Variants in MAP4K1 observed in about 807,000 individuals in gnomAD.
MAP4K1 encodes MAPK/ERK kinase kinase kinase 1.
Under a neutral mutation model 122.8 loss-of-function variants are expected in MAP4K1, and 35 were observed. The ratio of observed to expected loss-of-function variants is 0.29; its 90% CI spans 0.22 to 0.38. The LOEUF (loss-of-function observed/expected upper bound fraction) is 0.38, where lower values mean the gene tolerates loss of function less well. Ranked by LOEUF, MAP4K1 falls within the 10% of genes least tolerant of loss-of-function variation. MAP4K1 has a pLI of 1.00. For missense variants in MAP4K1, 791 were observed against 1,072.6 expected, an observed-to-expected ratio of 0.74 and a Z score of 3.67; for synonymous variants, 412 against 421.3, an observed-to-expected ratio of 0.98 and a Z score of 0.27.
rs1255175071 is a variant in MAP4K1, at chr19:38,613,279, C to T, written c.534-537G>A. 4.0e-5 allele frequency among the ~76,000 whole-genome samples: 6 copies of T among 150,472 alleles called. No individual in the cohort carries two copies. The East Asian group carries it at 1.2e-3, about 29-fold the overall frequency. On this transcript the variant is annotated intron_variant, in intron 8 of 30. Coordinates refer to ENST00000396857, the MANE Select transcript of MAP4K1 (RefSeq NM_001042600.3). The stretch of plus-strand genomic sequence containing the variant: ...CTGAGACCATGCCACTGCACTCCAG[C>T]CTGGGCAACAGAGCAAAACTCCGTC...
chr19:38,605,794 G>A, intron 17 of MAP4K1, 64 bp from the exon 18 acceptor site: 1 of 1,490,308 alleles, frequency 6.7e-7, no homozygotes, highest in Non-Finnish European at 9.1e-7. Context: ...GCACCCTTTT[G>A]CAACTCAAGT....
At chr19:38,602,521 C>T (rs564971222) in intron 19 of MAP4K1, among the ~76,000 whole-genome samples, 10 of 147,536 alleles carry the variant, frequency 6.8e-5, no homozygotes, top group Admixed American at 4.0e-4. Flanking sequence ...TACATATATA[C>T]GCATATACAT....
rs568566913 is a variant in MAP4K1, at chr19:38,597,789, T to C, written c.1670-195A>G. 3.7e-4 allele frequency among the ~76,000 whole-genome samples: 56 copies of C among 152,290 alleles called. No individual in the cohort carries two copies. The highest frequency in any genetic ancestry group is 1.3e-3 in the African/African-American group (54 of 41,560). On this transcript the variant is annotated intron_variant, in intron 22 of 30. Coordinates refer to ENST00000396857, the MANE Select transcript of MAP4K1 (RefSeq NM_001042600.3). The surrounding 1 kb of genome is among the most constrained non-coding windows in gnomAD (Gnocchi z 4.6). Reference sequence around the variant, plus strand: ...CGTCCATTGTAGGCCAGGCCTGCTGTGCTTGGCTCTGGTGAACAGTGATGA... The same window carrying C: ...CGTCCATTGTAGGCCAGGCCTGCTGCGCTTGGCTCTGGTGAACAGTGATGA...
In MAP4K1 at chr19:38,608,174, G is replaced by A; in HGVS notation, c.1007-4C>T. 1 of 1,508,244 alleles carries A rather than the reference G, an allele frequency of 6.6e-7. No individual in the cohort carries two copies. The allele number at this position is 1,508,244 out of a possible 1,614,324, so 93.4% of individuals were successfully genotyped here. On this transcript the variant is annotated splice_polypyrimidine_tract_variant and splice_region_variant and intron_variant, in intron 13 of 30. Coordinates refer to ENST00000396857, the MANE Select transcript of MAP4K1 (RefSeq NM_001042600.3). ...TTCCTGAACTCCATGTGCCGCCCTA[G>A]GGTGGGTGGGGGAAGATAACCTGCT...
At chr19:38,587,847 T>G in intron 30 of MAP4K1, 30 bp from the exon 31 acceptor site, 1 of 1,527,808 alleles carries the variant, frequency 6.5e-7, no homozygotes, top group Non-Finnish European at 9.1e-7. Flanking sequence ...GTCAGTTCAT[T>G]TATTCATTCA....
chr19:38,605,597 G>A lies in MAP4K1; in HGVS notation c.1334C>T (p.Thr445Ile). 6.4e-7 allele frequency: 1 copy of A among 1,556,130 alleles called. No individual in the cohort carries two copies. The highest frequency in any genetic ancestry group is 8.7e-7 in the Non-Finnish European group (1 of 1,152,674). ...ATGGGCGGTGAGGTGGGGGCTGCTG[G>A]TGGATGGGGGAGGCCCAGGACGGGG... is the stretch of plus-strand genomic sequence containing the variant. ...NSPRPGPPPS[T>I]SSPHLTAHSE... The change falls in exon 18 of 31, where the codon ACC becomes ATC. Residue 445 changes from threonine (T) to isoleucine (I), a missense_variant. Physicochemically the swap from Thr to Ile is moderately conservative, Grantham distance 89. This residue lies in a region of MAP4K1 where 303 missense variants were observed against 344.8 expected (regional missense o/e 0.88). Coordinates refer to ENST00000396857, the MANE Select transcript of MAP4K1 (RefSeq NM_001042600.3).
At position 38,617,863 on chromosome 19, in the gene MAP4K1, T is replaced by C. The variant is rs1253884503; in HGVS notation, c.33A>G (p.Arg11=). The change falls in exon 1 of 31, where the codon AGA becomes AGG. Residue 11 remains arginine, a synonymous_variant. Coordinates refer to ENST00000396857, the MANE Select transcript of MAP4K1 (RefSeq NM_001042600.3). The surrounding 1 kb of genome is among the most constrained non-coding windows in gnomAD (Gnocchi z 4.1). ...GCAGGTCATAGTGGTCCCGGGGGTC[T>C]CTATTGAAAATGTCAGGGTCCACGA... MDVVDPDIFN[R]DPRDHYDLLQ... The C allele has an allele frequency of 1.9e-6, 3 of 1,614,078 alleles. No homozygotes were observed. The highest frequency in any genetic ancestry group is 2.2e-5 in the South Asian group (2 of 91,076).
In MAP4K1 at chr19:38,599,847, G is replaced by A. The variant is rs1255704174; in HGVS notation, c.1669+78C>T. On this transcript the variant is annotated intron_variant, in intron 22 of 30. Coordinates refer to ENST00000396857, the MANE Select transcript of MAP4K1 (RefSeq NM_001042600.3). ...GCAGTCTAAGTTTTTTTTCAGCTGT[G>A]CCCGTCTACTTCCCAGCCCCCGAAC... 6.6e-6 allele frequency: 9 copies of A among 1,353,792 alleles called. No homozygotes were observed. The East Asian group carries it at 1.8e-4, about 28-fold the overall frequency. 83.9% of individuals were successfully genotyped at this position (1,353,792 alleles called of 1,614,324 possible).
At chr19:38,606,150 C>A in intron 17 of MAP4K1, 23 bp downstream of exon 17, 1 of 1,576,416 alleles carries the variant, frequency 6.3e-7, no homozygotes, top group Non-Finnish European at 8.6e-7. Context: ...CCCCAGCCTC[C>A]CAGCTCTGGC....
At chr19:38,602,653 C>CGT (rs1975120105) in intron 19 of MAP4K1, among the ~76,000 whole-genome samples, 1 of 142,374 alleles carries the variant, frequency 7.0e-6, no homozygotes, top group Non-Finnish European at 1.5e-5. Flanking sequence ...TACATATATA[C>CGT]ATATATACAC....
At chr19:38,602,483 CATATACAT>C (rs549737661) in intron 19 of MAP4K1, among the ~76,000 whole-genome samples, 9,515 of 149,618 alleles carry the variant, frequency 0.064, 393 homozygotes, top group Non-Finnish European at 0.094. Context: ...TATATACACA[CATATACAT>C]ATATACATAT....
In MAP4K1 at chr19:38,617,950, A is replaced by C; in HGVS notation, c.-55T>G. 2 of 1,461,576 alleles carry C rather than the reference A, an allele frequency of 1.4e-6. No homozygotes were observed. The highest frequency in any genetic ancestry group is 2.3e-5 in the South Asian group (2 of 87,906). 90.5% of individuals were successfully genotyped at this position (1,461,576 alleles called of 1,614,324 possible). On this transcript the variant is annotated 5_prime_UTR_variant, in exon 1 of 31. Transcript: ENST00000396857. This position sits in a 1 kb window ranked among gnomAD's most constrained non-coding sequence, Gnocchi z 4.1. ...AGGGGCCAGCAGGGCCTCAGGGCTCAACTTCTGGCACCTCCCTCCGTCCCC... is the reference window on the plus strand; with the variant it reads ...AGGGGCCAGCAGGGCCTCAGGGCTCCACTTCTGGCACCTCCCTCCGTCCCC...
chr19:38,613,258 G>C (rs1230660542), intron 8 of MAP4K1, among the ~76,000 whole-genome samples: 1 of 146,968 alleles, frequency 6.8e-6, no homozygotes, highest in Non-Finnish European at 1.5e-5. Flanking sequence ...AGTGAGCTGA[G>C]ACCATGCCAC....
At chr19:38,613,181 G>A (rs1013976507) in intron 8 of MAP4K1, among the ~76,000 whole-genome samples, 4 of 151,946 alleles carry the variant, frequency 2.6e-5, no homozygotes, top group South Asian at 2.1e-4. Context: ...GGTGGCAGGC[G>A]TCTGTAATCC....
At chr19:38,606,874 T>C (rs999349629) in intron 16 of MAP4K1, among the ~76,000 whole-genome samples, 5 of 151,968 alleles carry the variant, frequency 3.3e-5, no homozygotes, top group Admixed American at 1.3e-4. Flanking sequence ...TCGCACGTGA[T>C]GGGTGAAGTG....
chr19:38,608,165 G>A lies in MAP4K1; in HGVS notation c.1012C>T (p.His338Tyr), dbSNP rs1357802177. 6.6e-7 allele frequency: 1 copy of A among 1,519,854 alleles called. No individual in the cohort carries two copies. Among genetic ancestry groups the A allele is most frequent in the Non-Finnish European group, 8.8e-7 (1 of 1,135,794 alleles). 94.1% of individuals were successfully genotyped at this position (1,519,854 alleles called of 1,614,324 possible). A position where few individuals can be genotyped will look rare whatever the true frequency, so the allele number is the denominator to read the frequency against. Residue 338 changes from histidine to tyrosine, a missense_variant, in exon 14 of 31, where the codon CAC becomes TAC. Transcript: ENST00000396857. Reference sequence around the variant, plus strand: ...CCTCGGAGCTTCCTGAACTCCATGTGCCGCCCTAGGGTGGGTGGGGGAAGA... The same window carrying A: ...CCTCGGAGCTTCCTGAACTCCATGTACCGCCCTAGGGTGGGTGGGGGAAGA... ...GIPDADCCRR[H>Y]MEFRKLRGME... is the part of the protein sequence containing the mutation.
rs1398003057 is a variant in MAP4K1, at chr19:38,608,138, T to A, written c.1039A>T (p.Met347Leu). ...RHMEFRKLRG[M>L]ETRPPANTAR... ...GTGTTGGCTGGGGGTCTGGTCTCCA[T>A]TCCTCGGAGCTTCCTGAACTCCATG... The change falls in exon 14 of 31, where the codon ATG (methionine) becomes TTG (leucine). Residue 347 changes from methionine to leucine, a missense_variant. By Grantham distance (15) the Met-to-Leu change is conservative. This residue lies in a region of MAP4K1 where 303 missense variants were observed against 344.8 expected (regional missense o/e 0.88). Transcript: ENST00000396857. 6.5e-7 allele frequency: 1 copy of A among 1,530,928 alleles called. No homozygotes were observed. The highest frequency in any genetic ancestry group is 8.8e-7 in the Non-Finnish European group (1 of 1,141,814). The allele number at this position is 1,530,928 out of a possible 1,614,324, so 94.8% of individuals were successfully genotyped here.
intron 4 of MAP4K1, among the ~76,000 whole-genome samples, chr19:38,615,783 G>A (rs760950150): frequency 2.0e-5 from 3 of 152,032 alleles, no homozygotes; most frequent in Non-Finnish European, 4.4e-5. Context: ...TCAGCCTCCC[G>A]AGTAGCTGGG....
rs1430889317 is a variant in MAP4K1, at chr19:38,603,057, TACATATAC to T, written c.1447-1540_1447-1533del. Among the ~76,000 whole-genome samples the T allele has an allele frequency of 6.8e-5, 9 of 131,538 alleles. 1 individual carries two copies. Among genetic ancestry groups the T allele is most frequent in the Non-Finnish European group, 7.7e-5 (5 of 64,980 alleles). 86.3% of individuals were successfully genotyped at this position (131,538 alleles called of 152,430 possible). Reference sequence around the variant, plus strand: ...ATACACATGTACATATATACGCATATACATATACACATATACATATATACACATGTACA... The same window carrying T: ...ATACACATGTACATATATACGCATATACATATACATATATACACATGTACA... On this transcript the variant is annotated intron_variant, in intron 19 of 30. Transcript: ENST00000396857.
Sources: gnomAD v4.1 joint callset for allele counts (sites outside exome capture counted in the v4.1 genomes callset) on GRCh38, gnomAD v4.1.1 for gene constraint, gnomAD v4.1.1 regional missense constraint, Gnocchi (gnomAD v3.1) non-coding constraint, MANE v1.5 for transcripts, NCBI Gene and HGNC (gene_info 2026-07-23, HGNC 2026-07-21) for gene names.